The following PIGN variants were observed in gnomAD, a reference collection of about 807,000 sequenced individuals.
PIGN encodes the protein GPI ethanolamine phosphate transferase 1.
In PIGN, 117 loss-of-function variants were observed where a neutral mutation model predicts 125.4. The ratio of observed to expected loss-of-function variants is 0.93; its 90% confidence interval spans 0.80 to 1.09. PIGN has a LOEUF of 1.09. Among genes scored for constraint, PIGN ranks in the 50% least tolerant of loss-of-function variants. The pLI, the probability that PIGN is intolerant of heterozygous loss-of-function variation, is 0.00. For missense variants in PIGN, 1,075 were observed against 1,094.9 expected, an observed-to-expected ratio of 0.98 and a Z score of 0.26; for synonymous variants, 392 against 377.8, an observed-to-expected ratio of 1.04 and a Z score of -0.44.
chr18:62,173,459 T>C (rs1169508971), intron 1 of PIGN, among the ~76,000 whole-genome samples: 1 of 152,126 alleles, frequency 6.6e-6, no homozygotes, highest in Non-Finnish European at 1.5e-5. Context: ...CTTGAACTCC[T>C]GGGCTGAAGC....
intron 1 of PIGN, among the ~76,000 whole-genome samples, chr18:62,176,759 G>A (rs1345508084): frequency 6.6e-6 from 1 of 152,038 alleles, no homozygotes; most frequent in African/African-American, 2.4e-5. Flanking sequence ...AAGGGAAACC[G>A]GATGAGAAAA....
chr18:62,082,617 A>G (rs1382150684), intron 28 of PIGN, 56 bp downstream of exon 28: 3 of 883,464 alleles, frequency 3.4e-6, no homozygotes, highest in African/African-American at 3.3e-5. Context: ...TCGAAAGTTT[A>G]CTCTCATCTC....
At chr18:62,079,545 GA>G (rs1192782459) in intron 28 of PIGN, among the ~76,000 whole-genome samples, 1 of 152,076 alleles carries the variant, frequency 6.6e-6, no homozygotes, top group Non-Finnish European at 1.5e-5. Context: ...TCTGACCCAG[GA>G]AAAATTAGAC....
chr18:62,109,921 G>A lies in PIGN; in HGVS notation c.1487C>T (p.Ala496Val), dbSNP rs1356332269. The change falls in exon 17 of 31, where the codon GCA becomes GTA. Residue 496 changes from alanine to valine, a missense_variant. Ala to Val is a moderately conservative substitution (Grantham distance 64). Around this residue, in one of 3 missense-constraint regions of PIGN, gnomAD observed 915 missense variants for 908.7 expected, o/e 1.01. Transcript: ENST00000640252. ...ACAGGCTTGAATCAGCAGAAAAAATGCTACTAAAATGCCAATAGCTACAAA... is the reference window on the plus strand; with the variant it reads ...ACAGGCTTGAATCAGCAGAAAAAATACTACTAAAATGCCAATAGCTACAAA... ...CSFVAIGILV[A>V]FFLLIQACPW... The A allele has an allele frequency of 6.2e-7, 1 of 1,613,140 alleles. No individual in the cohort carries two copies. Among genetic ancestry groups the A allele is most frequent in the East Asian group, 2.2e-5 (1 of 44,782 alleles).
intron 23 of PIGN, among the ~76,000 whole-genome samples, chr18:62,019,812 G>A (rs1372638300): frequency 6.6e-6 from 1 of 152,240 alleles, no homozygotes; most frequent in Non-Finnish European, 1.5e-5. Context: ...ACAGTTTTCA[G>A]ACATTGGGTA....
At chr18:62,105,670 T>C (rs2034610610) in intron 19 of PIGN, 36 bp from the exon 20 acceptor site, 1 of 1,263,110 alleles carries the variant, frequency 7.9e-7, no homozygotes, top group Non-Finnish European at 1.1e-6. Context: ...TAGACAAATA[T>C]GGTATAGAAA....
chr18:62,034,710 G>A (rs2030235211), intron 23 of PIGN, among the ~76,000 whole-genome samples: 1 of 152,164 alleles, frequency 6.6e-6, no homozygotes, highest in African/African-American at 2.4e-5. Context: ...TGAAACAGGT[G>A]TATTTACCCA....
chr18:62,133,493 T>C (rs995268066), intron 14 of PIGN, among the ~76,000 whole-genome samples: 1 of 152,210 alleles, frequency 6.6e-6, no homozygotes, highest in Non-Finnish European at 1.5e-5. Context: ...TTGATATAAA[T>C]TTTAAAATTA....
At chr18:62,032,767 A>T (rs2030208949) in intron 23 of PIGN, among the ~76,000 whole-genome samples, 1 of 152,198 alleles carries the variant, frequency 6.6e-6, no homozygotes, top group South Asian at 2.1e-4. Context: ...AATAATACCT[A>T]CCTCACAGGG....
chr18:62,060,556 T>C (rs2032056645), intron 30 of PIGN, among the ~76,000 whole-genome samples: 1 of 152,244 alleles, frequency 6.6e-6, no homozygotes, highest in Non-Finnish European at 1.5e-5. Context: ...ATTTAGGATA[T>C]ACAAACACTA....
rs140505780 is a variant in PIGN at position 62,127,615 on chromosome 18, T to A, written c.1172+10628A>T. 1.5e-3 allele frequency among the ~76,000 whole-genome samples: 234 copies of A among 152,196 alleles called. 1 individual carries two copies. The highest frequency in any genetic ancestry group is 5.2e-3 in the African/African-American group (218 of 41,526). ...GTACATAATAACTGTGAGCGGGTAGTCATGAGGAAAGCAATGGTGCAAGAC... is the reference window on the plus strand; with the variant it reads ...GTACATAATAACTGTGAGCGGGTAGACATGAGGAAAGCAATGGTGCAAGAC... On this transcript the variant is annotated intron_variant, in intron 14 of 30. Transcript: ENST00000640252.
chr18:62,168,072 C>G (rs1287522426), intron 1 of PIGN, among the ~76,000 whole-genome samples: 1 of 89,030 alleles, frequency 1.1e-5, no homozygotes, highest in Admixed American at 1.2e-4. Flanking sequence ...CGCACCCAAC[C>G]ACTTGGGACG....
intron 23 of PIGN, among the ~76,000 whole-genome samples, chr18:62,027,864 G>A (rs1036174556): frequency 5.3e-5 from 8 of 151,960 alleles, no homozygotes; most frequent in South Asian, 4.2e-4. Context: ...CCGTGATCAC[G>A]CCACTGCACT....
At chr18:62,049,651 C>T (rs1260509712) in intron 30 of PIGN, among the ~76,000 whole-genome samples, 1 of 147,594 alleles carries the variant, frequency 6.8e-6, no homozygotes, top group African/African-American at 2.5e-5. Context: ...TTGTAGGTTG[C>T]CTGTTCACTC....
chr18:62,074,348 C>T lies in PIGN; in HGVS notation c.2619+431G>A, dbSNP rs551827380. Among the ~76,000 whole-genome samples the T allele has an allele frequency of 2.8e-4, 42 of 152,302 alleles. No homozygotes were observed. The South Asian group carries it at 6.4e-3, about 23-fold the overall frequency. ...CATCAGAACTCATTTATTGCAGCTA[C>T]GTCTTGATTAACATCTTCCCAACAG... On this transcript the variant is annotated intron_variant, in intron 29 of 30. Transcript: ENST00000640252.
intron 14 of PIGN, among the ~76,000 whole-genome samples, chr18:62,117,144 G>T (rs1022534207): frequency 2.0e-5 from 3 of 152,014 alleles, no homozygotes; most frequent in Non-Finnish European, 4.4e-5. Context: ...TTCTATACAA[G>T]CCTCAATGTA....
At chr18:62,162,521 A>G (rs1391680405) in intron 2 of PIGN, 192 bp from the exon 3 acceptor site, 3 of 152,240 alleles carry the variant, frequency 2.0e-5, no homozygotes, top group African/African-American at 7.2e-5. Context: ...ACCTTGCAAA[A>G]ACAAATGAAA....
chr18:62,061,025 C>G (rs1568129164), intron 30 of PIGN, among the ~76,000 whole-genome samples: 2 of 152,096 alleles, frequency 1.3e-5, no homozygotes, highest in Admixed American at 6.5e-5. Flanking sequence ...AAAAAGCATA[C>G]CCGATGCCAC....
chr18:62,168,848 C>G (rs1356827007), intron 1 of PIGN, among the ~76,000 whole-genome samples: 3 of 141,804 alleles, frequency 2.1e-5, no homozygotes, highest in Admixed American at 1.6e-4. Flanking sequence ...CCTAGACAAC[C>G]ACTAATTTTT....
Sources: gnomAD v4.1 joint callset for allele counts (sites outside exome capture counted in the v4.1 genomes callset) on GRCh38, gnomAD v4.1.1 for gene constraint, gnomAD v4.1.1 regional missense constraint, MANE v1.5 for transcripts, NCBI Gene and HGNC (gene_info 2026-07-23, HGNC 2026-07-21) for gene names.